The following HTR4 variants were observed in gnomAD, a reference collection of about 807,000 sequenced individuals.
HTR4 encodes 5-hydroxytryptamine (serotonin) receptor 4, G protein-coupled.
Under a neutral mutation model 36.8 loss-of-function variants are expected in HTR4, and 16 were observed. The observed-to-expected ratio is 0.43, with a 90% CI of 0.29 to 0.66. The LOEUF (loss-of-function observed/expected upper bound fraction) is 0.66, where lower values mean the gene tolerates loss of function less well. Among genes scored for constraint, HTR4 ranks in the 30% least tolerant of loss-of-function variants. The pLI is 0.13. For synonymous variants in HTR4, 189 were observed against 185.1 expected (o/e 1.02, Z -0.17); for missense variants, 438 against 490.9 (o/e 0.89, Z 1.02).
Position 148,481,626 on chromosome 5 carries a change from A to G in HTR4, c.*1577T>C, listed in dbSNP as rs1336237675. On this transcript the variant is annotated 3_prime_UTR_variant, in exon 7 of 7. Transcript: ENST00000377888. ...GTTTCTTCCTGTCGGTTTCAGTTCC[A>G]GAACTAAAGTAAACAACAATGGAAA... The G allele has an allele frequency of 3.3e-6, 5 of 1,507,622 alleles. No individual in the cohort carries two copies. In the African/African-American group the frequency reaches 7.1e-5, roughly 21 times the overall value. 93.4% of individuals were successfully genotyped at this position (1,507,622 alleles called of 1,614,324 possible).
At chr5:148,585,014 G>A (rs980957032) in intron 2 of HTR4, among the ~76,000 whole-genome samples, 3 of 152,104 alleles carry the variant, frequency 2.0e-5, no homozygotes, top group Non-Finnish European at 2.9e-5. Flanking sequence ...AAGCAACATG[G>A]TATAGAACCT....
At chr5:148,459,070 G>A (rs1000423037) in intron 5 of HTR4, among the ~76,000 whole-genome samples, 3 of 152,140 alleles carry the variant, frequency 2.0e-5, no homozygotes, top group Non-Finnish European at 4.4e-5. Context: ...TTGAGATGTA[G>A]TTGGATTCAG....
Position 148,482,979 on chromosome 5 carries a change from T to C in HTR4, c.*224A>G. 2 of 1,407,772 alleles carry C rather than the reference T, an allele frequency of 1.4e-6. No individual in the cohort carries two copies. The highest frequency in any genetic ancestry group is 9.3e-7 in the Non-Finnish European group (1 of 1,079,254). The allele number at this position is 1,407,772 out of a possible 1,614,324, so 87.2% of individuals were successfully genotyped here. ...CAGAGAATCTGGGAAGAGGGAGTGT[T>C]GGGAAATAAAAAGTGAACAAGGAGG... On this transcript the variant is annotated 3_prime_UTR_variant, in exon 7 of 7. Transcript: ENST00000377888.
intron 2 of HTR4, among the ~76,000 whole-genome samples, chr5:148,626,726 G>C (rs937527771): frequency 2.0e-5 from 3 of 152,204 alleles, no homozygotes; most frequent in African/African-American, 4.8e-5. Flanking sequence ...CAAAAAGGTA[G>C]TTTTCTGGAT....
At chr5:148,479,015 T>C (rs1554086480), downstream of HTR4, among the ~76,000 whole-genome samples, 1 of 152,036 alleles carries the variant, frequency 6.6e-6, no homozygotes, top group Non-Finnish European at 1.5e-5. Context: ...GTTTTTTTTT[T>C]CTAAAGGCTT....
At position 148,512,793 on chromosome 5, in the gene HTR4, G is replaced by A. The variant is rs144728430; in HGVS notation, c.508-2769C>T. Among the ~76,000 whole-genome samples, 32 of 152,102 alleles carry A rather than the reference G, an allele frequency of 2.1e-4. No individual in the cohort carries two copies. The East Asian group carries it at 2.9e-3, about 14-fold the overall frequency. On this transcript the variant is annotated intron_variant, in intron 5 of 6. Transcript: ENST00000377888. Reference sequence around the variant, plus strand: ...AAAAAAATACAAAAATTAGCCAGGCGTGGTGGCAGGCACCTGAATTCTAGC... The same window carrying A: ...AAAAAAATACAAAAATTAGCCAGGCATGGTGGCAGGCACCTGAATTCTAGC...
chr5:148,511,416 A>G (rs905456885), intron 5 of HTR4, among the ~76,000 whole-genome samples: 3 of 152,148 alleles, frequency 2.0e-5, no homozygotes, highest in Admixed American at 6.5e-5. Context: ...ATATAATAAT[A>G]AAACACACAA....
At chr5:148,502,325 C>T (rs1459398572) in intron 6 of HTR4, among the ~76,000 whole-genome samples, 3 of 152,336 alleles carry the variant, frequency 2.0e-5, no homozygotes, top group South Asian at 2.1e-4. Flanking sequence ...CAGGCAGCAA[C>T]ATTTGCTGTT....
chr5:148,590,706 T>C (rs1761530950), intron 2 of HTR4, among the ~76,000 whole-genome samples: 2 of 152,162 alleles, frequency 1.3e-5, no homozygotes, highest in Non-Finnish European at 2.9e-5. Context: ...TGTTTCAACA[T>C]TGATGTTGAA....
At chr5:148,648,143 T>G (rs1348075325) in intron 1 of HTR4, among the ~76,000 whole-genome samples, 1 of 152,174 alleles carries the variant, frequency 6.6e-6, no homozygotes, top group Non-Finnish European at 1.5e-5. Flanking sequence ...ACTTTTCCCT[T>G]AAGTATCTAT....
intron 1 of HTR4, among the ~76,000 whole-genome samples, chr5:148,643,454 C>G (rs1004101190): frequency 6.6e-6 from 1 of 151,778 alleles, no homozygotes; most frequent in African/African-American, 2.4e-5. Flanking sequence ...ATTTTTTTCC[C>G]CCAAAGAATA....
At chr5:148,595,557 C>A (rs916060904) in intron 2 of HTR4, among the ~76,000 whole-genome samples, 1 of 152,110 alleles carries the variant, frequency 6.6e-6, no homozygotes, top group Admixed American at 6.5e-5. Context: ...GCAAAGATCC[C>A]ACAATGCAAT....
intron 6 of HTR4, among the ~76,000 whole-genome samples, chr5:148,491,567 T>C (rs1016248910): frequency 1.3e-5 from 2 of 152,036 alleles, no homozygotes; most frequent in African/African-American, 4.8e-5. Context: ...GTCGGATGAT[T>C]AGCAGCGTCC....
chr5:148,465,876 C>G (rs1561562139), intron 5 of HTR4: 1 of 1,612,902 alleles, frequency 6.2e-7, no homozygotes, highest in Non-Finnish European at 8.5e-7. Context: ...TAGACAGGAA[C>G]TGGTCTATTG....
chr5:148,635,345 G>A (rs1199054473), intron 2 of HTR4, among the ~76,000 whole-genome samples: 1 of 152,092 alleles, frequency 6.6e-6, no homozygotes, highest in African/African-American at 2.4e-5. Context: ...GCATTTGCCT[G>A]TTATTAATAT....
At chr5:148,494,377 G>A (rs937074416) in intron 6 of HTR4, among the ~76,000 whole-genome samples, 3 of 152,178 alleles carry the variant, frequency 2.0e-5, no homozygotes, top group African/African-American at 7.2e-5. Context: ...TATATGGTAA[G>A]TTATCATAGT....
At chr5:148,602,969 C>T (rs1390942899) in intron 2 of HTR4, among the ~76,000 whole-genome samples, 1 of 152,030 alleles carries the variant, frequency 6.6e-6, no homozygotes, top group Non-Finnish European at 1.5e-5. Context: ...AAAAGCCTTT[C>T]TACAAAATCT....
Position 148,483,276 on chromosome 5 carries a change from C to T in HTR4, c.1094G>A (p.Gly365Asp), listed in dbSNP as rs1251449497. The change falls in exon 7 of 7, where the codon GGT (glycine) becomes GAT (aspartate). Residue 365 changes from glycine (G) to aspartate (D), a missense_variant. By Grantham distance (94) the Gly-to-Asp change is moderately conservative. Transcript: ENST00000377888. The part of the protein sequence containing the change: ...THVLRDAVEC[G>D]GQWESQCHPP... ...GTGACACTGACTCTCCCACTGGCCA[C>T]CACACTCCACTGCATCCCTAGAGAG... 1 of 1,613,626 alleles carries T rather than the reference C, an allele frequency of 6.2e-7. No homozygotes were observed. The highest frequency in any genetic ancestry group is 1.1e-5 in the South Asian group (1 of 90,980).
intron 2 of HTR4, among the ~76,000 whole-genome samples, chr5:148,587,189 TA>T (rs1482831895): frequency 1.3e-5 from 2 of 152,220 alleles, no homozygotes; most frequent in African/African-American, 2.4e-5. Flanking sequence ...TGACCATGAG[TA>T]AATGACCCAG....
Sources: gnomAD v4.1 joint callset for allele counts (sites outside exome capture counted in the v4.1 genomes callset) on GRCh38, gnomAD v4.1.1 for gene constraint, MANE v1.5 for transcripts, NCBI Gene and HGNC (gene_info 2026-07-23, HGNC 2026-07-21) for gene names.